GUCY1A2: variants seen among roughly 807,000 people sequenced by gnomAD.
The protein encoded by GUCY1A2 is guanylate cyclase 1 soluble subunit alpha 2, also known as guanylate cyclase soluble subunit alpha-2.
Under a neutral mutation model 63.5 loss-of-function variants are expected in GUCY1A2, and 27 were observed. The ratio of observed to expected loss-of-function variants is 0.43; its 90% CI spans 0.31 to 0.59. The LOEUF (loss-of-function observed/expected upper bound fraction) is 0.59, where lower values mean the gene tolerates loss of function less well. GUCY1A2 is among the 20% of genes least tolerant of loss of function. The pLI, the probability that GUCY1A2 is intolerant of heterozygous loss-of-function variation, is 0.11. For missense variants in GUCY1A2, 768 were observed against 913.3 expected, an observed-to-expected ratio of 0.84 and a Z score of 2.05; for synonymous variants, 364 against 343.5, an observed-to-expected ratio of 1.06 and a Z score of -0.66.
intron 4 of GUCY1A2, chr11:106,827,294 T>C (rs1173440518): frequency 6.4e-7 from 1 of 1,556,204 alleles, no homozygotes; most frequent in Non-Finnish European, 8.9e-7. Flanking sequence ...GCCTCTGATT[T>C]TTCAGCAATG....
intron 4 of GUCY1A2, chr11:106,827,880 G>A (rs1473843812): frequency 2.8e-5 from 44 of 1,576,250 alleles, no homozygotes; most frequent in South Asian, 2.3e-4. Context: ...GGGAGGGCGC[G>A]CTGCCTTCAT....
chr11:106,701,131 G>C (rs1007774296), intron 7 of GUCY1A2, among the ~76,000 whole-genome samples: 1 of 151,968 alleles, frequency 6.6e-6, no homozygotes, highest in Non-Finnish European at 1.5e-5. Context: ...TGTTTATAAA[G>C]TAAATTCCTA....
At chr11:106,989,133 T>C (rs1200320567) in intron 1 of GUCY1A2, among the ~76,000 whole-genome samples, 2 of 152,206 alleles carry the variant, frequency 1.3e-5, no homozygotes, top group Non-Finnish European at 2.9e-5. Flanking sequence ...GCTCCATAAC[T>C]GGCTCCTACT....
chr11:106,966,690 A>T (rs550479000), intron 3 of GUCY1A2, among the ~76,000 whole-genome samples: 1 of 152,336 alleles, frequency 6.6e-6, no homozygotes, highest in East Asian at 1.9e-4. Flanking sequence ...ATATAACAAT[A>T]TACTAGTCCA....
intron 2 of GUCY1A2, among the ~76,000 whole-genome samples, chr11:106,980,722 G>A (rs991389820): frequency 1.3e-5 from 2 of 152,186 alleles, no homozygotes; most frequent in East Asian, 3.9e-4. Flanking sequence ...CATGCTTGAT[G>A]TGAGTGGAGG....
intron 3 of GUCY1A2, among the ~76,000 whole-genome samples, chr11:106,972,543 A>G (rs1308770204): frequency 6.6e-6 from 1 of 152,146 alleles, no homozygotes; most frequent in Non-Finnish European, 1.5e-5. Context: ...TTAGAGACAC[A>G]GAAACACAAA....
chr11:106,942,580 C>T (rs1399766381), intron 3 of GUCY1A2, among the ~76,000 whole-genome samples: 1 of 152,162 alleles, frequency 6.6e-6, no homozygotes, highest in Non-Finnish European at 1.5e-5. Flanking sequence ...TGCTTCTAAA[C>T]TTTGAAGAAC....
intron 2 of GUCY1A2, among the ~76,000 whole-genome samples, 171 bp from the exon 3 acceptor site, chr11:106,978,911 T>C (rs1032418853): frequency 6.6e-6 from 1 of 152,166 alleles, no homozygotes; most frequent in African/African-American, 2.4e-5. Flanking sequence ...CACATCAGCA[T>C]TTGCAGTGTA....
At chr11:106,839,974 G>T (rs1324237833) in intron 4 of GUCY1A2, among the ~76,000 whole-genome samples, 2 of 151,834 alleles carry the variant, frequency 1.3e-5, no homozygotes, top group African/African-American at 4.8e-5. Context: ...AAACCTGCAC[G>T]TTGTGCACAT....
chr11:106,795,799 G>A (rs1368984165), intron 5 of GUCY1A2, among the ~76,000 whole-genome samples: 1 of 152,148 alleles, frequency 6.6e-6, no homozygotes, highest in African/African-American at 2.4e-5. Flanking sequence ...TAGGGAGGCA[G>A]CAGCATTGAT....
intron 6 of GUCY1A2, among the ~76,000 whole-genome samples, chr11:106,710,405 A>G (rs188641068): frequency 8.1e-5 from 11 of 135,592 alleles, no homozygotes; most frequent in African/African-American, 2.7e-4. Context: ...TATATATTAT[A>G]TACATGTATA....
intron 6 of GUCY1A2, among the ~76,000 whole-genome samples, chr11:106,743,749 A>G (rs2135380313): frequency 6.6e-6 from 1 of 152,340 alleles, no homozygotes; most frequent in East Asian, 1.9e-4. Context: ...CAGTTTGTAA[A>G]AAGTCTAGTT....
chr11:106,831,020 T>C (rs980506305), intron 4 of GUCY1A2, among the ~76,000 whole-genome samples: 9 of 152,140 alleles, frequency 5.9e-5, no homozygotes, highest in Non-Finnish European at 1.0e-4. Flanking sequence ...ATACATTTTA[T>C]GAAGCTATAT....
intron 6 of GUCY1A2, among the ~76,000 whole-genome samples, chr11:106,743,154 A>G (rs1028813314): frequency 1.5e-4 from 23 of 152,132 alleles, no homozygotes; most frequent in African/African-American, 5.6e-4. Flanking sequence ...CTGTAACACT[A>G]CTGCCTGAGC....
At position 107,017,858 on chromosome 11, in the gene GUCY1A2, AGAAGCAGCCGGGGTCG is replaced by A; in HGVS notation, c.182_197del (p.Pro61LeufsTer32). The A allele has an allele frequency of 8.0e-7, 1 of 1,251,210 alleles. No individual in the cohort carries two copies. The highest frequency in any genetic ancestry group is 1.0e-6 in the Non-Finnish European group (1 of 996,802). 77.5% of individuals were successfully genotyped at this position (1,251,210 alleles called of 1,614,324 possible). ...CGGCAGTGGCAGCGGCGGCGGCGGCAGAAGCAGCCGGGGTCGGGGCCGGGGCGGCGGCAGCGGCAGC... is the reference window on the plus strand; with the variant it reads ...CGGCAGTGGCAGCGGCGGCGGCGGCAGGGCCGGGGCGGCGGCAGCGGCAGC... On this transcript the variant is annotated frameshift_variant, in exon 1 of 8. Coordinates refer to ENST00000526355, the MANE Select transcript of GUCY1A2 (RefSeq NM_000855.3). LOFTEE classifies it high-confidence loss of function.
At chr11:106,864,923 G>A (rs1409036386) in intron 4 of GUCY1A2, among the ~76,000 whole-genome samples, 1 of 151,984 alleles carries the variant, frequency 6.6e-6, no homozygotes, top group African/African-American at 2.4e-5. Flanking sequence ...GGATGATGCT[G>A]GCCTCATAAA....
At position 106,682,912 on chromosome 11, in the gene GUCY1A2, A is replaced by G. The variant is rs1343980345; in HGVS notation, c.*4637T>C. 11 of 215,796 alleles carry G rather than the reference A, an allele frequency of 5.1e-5. No individual in the cohort carries two copies. Among genetic ancestry groups the G allele is most frequent in the African/African-American group, 2.3e-4 (10 of 44,362 alleles). The allele number at this position is 215,796 out of a possible 1,614,324, so 13.4% of individuals were successfully genotyped here. A position where few individuals can be genotyped will look rare whatever the true frequency, so the allele number is the denominator to read the frequency against. On this transcript the variant is annotated 3_prime_UTR_variant, in exon 8 of 8. Transcript: ENST00000526355. ...GTGTGAGGAAGGAATTTTGCACACT[A>G]TCTCAGTATAGCCTGACAAGATTGT...
At chr11:106,808,348 C>T (rs1347202660) in intron 5 of GUCY1A2, among the ~76,000 whole-genome samples, 18 of 151,896 alleles carry the variant, frequency 1.2e-4, no homozygotes, top group Non-Finnish European at 2.1e-4. Flanking sequence ...AAACTGTCCA[C>T]GGTTTAATAA....
chr11:106,999,317 C>T (rs1861583052), intron 1 of GUCY1A2, among the ~76,000 whole-genome samples: 1 of 152,050 alleles, frequency 6.6e-6, no homozygotes, highest in South Asian at 2.1e-4. Flanking sequence ...TTTTCGTAAC[C>T]TTAATCCATA....
Sources: allele counts gnomAD v4.1 joint callset (sites outside exome capture counted in the v4.1 genomes callset), GRCh38; gene constraint gnomAD v4.1.1; transcripts MANE v1.5; gene names NCBI Gene and HGNC (gene_info 2026-07-23, HGNC 2026-07-21).